Variants in MICAL2 observed in about 807,000 individuals in gnomAD.
MICAL2 encodes the protein microtubule associated monooxygenase, calponin and LIM domain containing 2.
MICAL2 carries 77 observed loss-of-function variants against 127.3 expected under a neutral mutation model. The ratio of observed to expected loss-of-function variants is 0.60; its 90% confidence interval spans 0.50 to 0.73. The LOEUF (loss-of-function observed/expected upper bound fraction) is 0.73, where lower values mean the gene tolerates loss of function less well. MICAL2 is among the 30% of genes least tolerant of loss of function. The pLI, the probability that MICAL2 is intolerant of heterozygous loss-of-function variation, is 0.00. For missense variants in MICAL2, 1,351 were observed against 1,434.4 expected (o/e 0.94, Z 0.94); for synonymous variants, 570 against 551.1 (o/e 1.03, Z -0.48).
chr11:12,251,577 TAAAAAAAAAAAAAA>T (rs536942703), intron 22 of MICAL2, among the ~76,000 whole-genome samples: 7 of 93,840 alleles, frequency 7.5e-5, no homozygotes, highest in Admixed American at 1.3e-4. Context: ...CATTTCACTT[TAAAAAAAAAAAAAA>T]AAAAAAAAAA....
Position 12,241,109 on chromosome 11 carries a change from T to C in MICAL2, c.2284T>C (p.Cys762Arg). ...CTCCGGCCCTCCTGTTCACTCTTGCTGCCCCAAGCCGGAGGAGGCCACACC... is the reference window on the plus strand; with the variant it reads ...CTCCGGCCCTCCTGTTCACTCTTGCCGCCCCAAGCCGGAGGAGGCCACACC... Reference protein sequence around the residue: ...SSSGPPVHSCCPKPEEATPSP... With the variant: ...SSSGPPVHSCRPKPEEATPSP... The change falls in exon 18 of 28, where the codon TGC (cysteine) becomes CGC (arginine). Residue 762 changes from cysteine to arginine, a missense_variant. Around this residue, in one of 2 missense-constraint regions of MICAL2, gnomAD observed 752 missense variants for 719.4 expected, o/e 1.05. Coordinates refer to ENST00000683283, the MANE Select transcript of MICAL2 (RefSeq NM_001282663.2). 6.2e-7 allele frequency: 1 copy of C among 1,614,220 alleles called. No homozygotes were observed. Among genetic ancestry groups the C allele is most frequent in the Non-Finnish European group, 8.5e-7 (1 of 1,180,034 alleles).
chr11:12,171,037 A>G (rs1187961654), intron 3 of MICAL2, among the ~76,000 whole-genome samples: 1 of 152,112 alleles, frequency 6.6e-6, no homozygotes, highest in African/African-American at 2.4e-5. Flanking sequence ...AAACCAGACA[A>G]TCCTTTCATT....
At chr11:12,156,877 C>T (rs1854245122) in intron 2 of MICAL2, among the ~76,000 whole-genome samples, 1 of 152,242 alleles carries the variant, frequency 6.6e-6, no homozygotes, top group Non-Finnish European at 1.5e-5. Context: ...TCCTGAGCAC[C>T]CTGCGAGTGT....
At chr11:12,333,584 A>AT (rs1344626873) in intron 32 of MICAL2, among the ~76,000 whole-genome samples, 3 of 152,322 alleles carry the variant, frequency 2.0e-5, no homozygotes, top group African/African-American at 7.2e-5. Flanking sequence ...AAGAAAAAAA[A>AT]TTTTGTTGTT....
At chr11:12,304,649 C>CACACACAT in intron 29 of MICAL2, among the ~76,000 whole-genome samples, 1 of 131,592 alleles carries the variant, frequency 7.6e-6, no homozygotes, top group East Asian at 2.6e-4. Context: ...CACACACACA[C>CACACACAT]ACACACACAC....
chr11:12,264,361 G>A (rs1863514365), downstream of MICAL2, among the ~76,000 whole-genome samples: 2 of 152,148 alleles, frequency 1.3e-5, no homozygotes, highest in African/African-American at 4.8e-5. Flanking sequence ...AAAGGCTCAG[G>A]GTATTCAGTA....
At chr11:12,321,670 A>G (rs1342308950) in intron 30 of MICAL2, among the ~76,000 whole-genome samples, 3 of 152,148 alleles carry the variant, frequency 2.0e-5, no homozygotes, top group Non-Finnish European at 4.4e-5. Context: ...TTAATGAAGC[A>G]TTCTTCTTTT....
chr11:12,266,451 A>G (rs1339879363), downstream of MICAL2, among the ~76,000 whole-genome samples: 2 of 152,226 alleles, frequency 1.3e-5, no homozygotes, highest in Non-Finnish European at 2.9e-5. Context: ...AAGAAAAAAA[A>G]AGGCTTAAGT....
chr11:12,230,093 C>T (rs1178635248), intron 15 of MICAL2, among the ~76,000 whole-genome samples: 1 of 152,218 alleles, frequency 6.6e-6, no homozygotes, highest in Non-Finnish European at 1.5e-5. Flanking sequence ...AATACCTCTG[C>T]ATTCTGTCTA....
At chr11:12,241,011 C>A in intron 17 of MICAL2, 29 bp from the exon 18 acceptor site, 1 of 1,610,610 alleles carries the variant, frequency 6.2e-7, no homozygotes, top group Non-Finnish European at 8.5e-7. Context: ...CCTGTGGCTG[C>A]TTTTTTGGAC....
At chr11:12,351,063 T>A (rs1454400042) in intron 33 of MICAL2, among the ~76,000 whole-genome samples, 1 of 152,208 alleles carries the variant, frequency 6.6e-6, no homozygotes, top group East Asian at 1.9e-4. Flanking sequence ...CTTGGGTCAT[T>A]GGGTTTAGGA....
chr11:12,205,687 A>G (rs769678942), intron 4 of MICAL2, among the ~76,000 whole-genome samples: 11 of 152,222 alleles, frequency 7.2e-5, no homozygotes, highest in East Asian at 3.8e-4. Context: ...TATCTCCTGT[A>G]AAGTGTGATT....
upstream of MICAL2, among the ~76,000 whole-genome samples, chr11:12,273,190 C>T (rs1863691252): frequency 6.6e-6 from 1 of 152,318 alleles, no homozygotes; most frequent in African/African-American, 2.4e-5. Context: ...GTCGTAACCT[C>T]TCTGTGCTTG....
At chr11:12,172,693 A>G (rs771227764) in intron 3 of MICAL2, among the ~76,000 whole-genome samples, 19 of 152,116 alleles carry the variant, frequency 1.2e-4, no homozygotes, top group Non-Finnish European at 2.4e-4. Context: ...AAAGGAAGAA[A>G]AAAAAACTCA....
intron 26 of MICAL2, chr11:12,260,378 G>A: frequency 3.1e-6 from 4 of 1,272,808 alleles, no homozygotes; most frequent in Non-Finnish European, 4.0e-6. Context: ...ATGATATGAA[G>A]GATCTTTTCT....
chr11:12,212,942 T>A (rs767775146), intron 6 of MICAL2, among the ~76,000 whole-genome samples: 2 of 152,198 alleles, frequency 1.3e-5, no homozygotes, highest in Non-Finnish European at 2.9e-5. Flanking sequence ...CTCTCATGAG[T>A]GTATCTAGCA....
chr11:12,171,726 G>C (rs919713465), intron 3 of MICAL2, among the ~76,000 whole-genome samples: 1 of 152,210 alleles, frequency 6.6e-6, no homozygotes, highest in Non-Finnish European at 1.5e-5. Context: ...AGTGAGGAGA[G>C]AGGCAGTGGC....
intron 4 of MICAL2, among the ~76,000 whole-genome samples, chr11:12,205,370 G>A (rs1854546818): frequency 6.6e-6 from 1 of 152,112 alleles, no homozygotes. Flanking sequence ...CTTATACATG[G>A]TTTTTTTCAA....
In MICAL2 at chr11:12,220,500, A is replaced by G. The variant is rs764898464; in HGVS notation, c.1206+42A>G. 41 of 1,590,238 alleles carry G rather than the reference A, an allele frequency of 2.6e-5. No individual in the cohort carries two copies. The East Asian group carries it at 2.7e-4, about 10-fold the overall frequency. ...GAGCCCCCATGTTTCTCTGCGAGAC[A>G]GATCCCACGTTTGTATTCTGGCAGG... On this transcript the variant is annotated intron_variant, in intron 9 of 27. Coordinates refer to ENST00000683283, the MANE Select transcript of MICAL2 (RefSeq NM_001282663.2).
Sources: allele counts gnomAD v4.1 joint callset (sites outside exome capture counted in the v4.1 genomes callset), GRCh38; gene constraint gnomAD v4.1.1; regional missense constraint gnomAD v4.1.1; transcripts MANE v1.5; gene names NCBI Gene and HGNC (gene_info 2026-07-23, HGNC 2026-07-21).